Variants in AGMO observed in about 807,000 individuals in gnomAD.
AGMO encodes the protein alkylglycerol monooxygenase.
A neutral mutation model predicts 60.2 loss-of-function variants in AGMO; 75 were observed. The observed-to-expected ratio is 1.25, with a 90% CI of 1.03 to 1.51. The LOEUF (loss-of-function observed/expected upper bound fraction) is 1.51. Ranked by LOEUF, AGMO falls within the 40% of genes most tolerant of loss-of-function variation. The probability of loss-of-function intolerance (pLI) is 0.00; values close to 1 mark genes in which losing one functional copy is unlikely to be tolerated. For synonymous variants in AGMO, 261 were observed against 177.1 expected (o/e 1.47, Z -3.76); for missense variants, 763 against 525.5 (o/e 1.45, Z -4.42).
chr7:15,406,324 T>C (rs1784687123), intron 5 of AGMO, among the ~76,000 whole-genome samples: 1 of 146,304 alleles, frequency 6.8e-6, no homozygotes, highest in South Asian at 2.1e-4. Flanking sequence ...TATGTGTATA[T>C]ATATGGAATA....
rs372087063 is a variant in AGMO at position 15,202,970 on chromosome 7, A to G, written c.1264-1611T>C. 3.9e-5 allele frequency among the ~76,000 whole-genome samples: 6 copies of G among 152,274 alleles called. No homozygotes were observed. In the East Asian group the frequency reaches 9.6e-4, roughly 24 times the overall value. ...GTGAGACAGAGATGATAAATCTATA[A>G]TATCAGAGTAAATAATTTACTTTAG... On this transcript the variant is annotated intron_variant, in intron 12 of 12. Transcript: ENST00000342526.
intron 12 of AGMO, among the ~76,000 whole-genome samples, chr7:15,364,200 A>G (rs1438656635): frequency 1.3e-5 from 2 of 151,998 alleles, no homozygotes; most frequent in Non-Finnish European, 2.9e-5. Context: ...ATATTAATAA[A>G]GAATCTTCTG....
chr7:15,254,256 G>C (rs1165661742), intron 12 of AGMO, among the ~76,000 whole-genome samples: 1 of 152,110 alleles, frequency 6.6e-6, no homozygotes, highest in South Asian at 2.1e-4. Flanking sequence ...TTACACAGTA[G>C]TGGGATTTCT....
chr7:15,428,514 A>G (rs1781133053), intron 4 of AGMO, among the ~76,000 whole-genome samples: 4 of 152,128 alleles, frequency 2.6e-5, no homozygotes, highest in Admixed American at 6.6e-5. Context: ...CTGCTTTGTT[A>G]CTTTGTATGC....
intron 12 of AGMO, among the ~76,000 whole-genome samples, chr7:15,216,502 G>A (rs558255855): frequency 3.1e-4 from 47 of 151,908 alleles, no homozygotes; most frequent in Non-Finnish European, 4.9e-4. Context: ...AAACTTTCAC[G>A]GTCAAAGAAT....
intron 12 of AGMO, among the ~76,000 whole-genome samples, chr7:15,299,886 C>CACACACA (rs774065679): frequency 1.3e-4 from 15 of 114,610 alleles, no homozygotes; most frequent in African/African-American, 3.0e-4. Flanking sequence ...CACACACACA[C>CACACACA]AGTATGTTTT....
intron 3 of AGMO, among the ~76,000 whole-genome samples, chr7:15,525,932 G>C (rs1423064210): frequency 6.6e-6 from 1 of 152,168 alleles, no homozygotes; most frequent in African/African-American, 2.4e-5. Context: ...TCTGAACACT[G>C]GAATCCACTG....
chr7:15,456,865 T>C (rs966444136), intron 3 of AGMO, among the ~76,000 whole-genome samples: 1 of 152,164 alleles, frequency 6.6e-6, no homozygotes, highest in African/African-American at 2.4e-5. Flanking sequence ...CTTTCAAAGT[T>C]TTGTTGCAGT....
intron 8 of AGMO, 105 bp from the exon 9 acceptor site, chr7:15,387,645 T>G: frequency 1.0e-6 from 1 of 954,544 alleles, no homozygotes; most frequent in Non-Finnish European, 1.4e-6. Context: ...TTTACGTATT[T>G]AAAACGTTAT....
chr7:15,400,713 G>A (rs993125366), intron 5 of AGMO, among the ~76,000 whole-genome samples: 1 of 151,668 alleles, frequency 6.6e-6, no homozygotes, highest in African/African-American at 2.4e-5. Flanking sequence ...AAATGAAGGA[G>A]CCAAAACAAA....
chr7:15,143,659 A>G, the AGMO span, among the ~76,000 whole-genome samples: 2 of 151,438 alleles, frequency 1.3e-5, no homozygotes, highest in Admixed American at 6.6e-5. Flanking sequence ...CGGAGTTGGC[A>G]CTGAAGTTTT....
chr7:15,542,676 T>A (rs1448072946), intron 3 of AGMO, among the ~76,000 whole-genome samples: 1 of 152,192 alleles, frequency 6.6e-6, no homozygotes, highest in East Asian at 1.9e-4. Flanking sequence ...GATGAGTTTA[T>A]TTTAGGGAGA....
At chr7:15,129,619 TACAA>T in the AGMO span, among the ~76,000 whole-genome samples, 1 of 152,084 alleles carries the variant, frequency 6.6e-6, no homozygotes, top group Non-Finnish European at 1.5e-5. Flanking sequence ...CTCCTAGGAA[TACAA>T]ACAAAGTATT....
At chr7:15,306,993 T>A (rs1385148453) in intron 12 of AGMO, among the ~76,000 whole-genome samples, 1 of 97,228 alleles carries the variant, frequency 1.0e-5, no homozygotes, top group East Asian at 2.8e-4. Context: ...TATAGAAAGT[T>A]GTACAAAGAT....
At chr7:15,399,856 A>G (rs143398804) in intron 5 of AGMO, among the ~76,000 whole-genome samples, 552 of 152,314 alleles carry the variant, frequency 3.6e-3, no homozygotes, top group Non-Finnish European at 5.9e-3. Flanking sequence ...AAAGCTGTTC[A>G]CATTCTTTCT....
At chr7:15,270,867 ATTC>A (rs1484889832) in intron 12 of AGMO, among the ~76,000 whole-genome samples, 1 of 151,770 alleles carries the variant, frequency 6.6e-6, no homozygotes, top group African/African-American at 2.4e-5. Flanking sequence ...GTACAGTTTC[ATTC>A]TTCTTCATAT....
chr7:15,337,753 T>C (rs80156908), intron 12 of AGMO, among the ~76,000 whole-genome samples: 5,499 of 152,316 alleles, frequency 0.036, 122 homozygotes, highest in South Asian at 0.06. Flanking sequence ...CACCTGCTTC[T>C]GAGTGCAGCG....
At chr7:15,556,288 G>T (rs142003724) in intron 2 of AGMO, among the ~76,000 whole-genome samples, 90 of 146,978 alleles carry the variant, frequency 6.1e-4, no homozygotes, top group African/African-American at 2.2e-3. Flanking sequence ...TCCATGGCAG[G>T]CATGGCCAGT....
intron 5 of AGMO, among the ~76,000 whole-genome samples, chr7:15,412,367 G>C (rs372274073): frequency 6.6e-6 from 1 of 151,998 alleles, no homozygotes; most frequent in South Asian, 2.1e-4. Context: ...GTATGCACTA[G>C]GTTAGGAGTC....
Sources: allele counts gnomAD v4.1 joint callset (sites outside exome capture counted in the v4.1 genomes callset), GRCh38; gene constraint gnomAD v4.1.1; transcripts MANE v1.5; gene names NCBI Gene and HGNC (gene_info 2026-07-23, HGNC 2026-07-21).